RIC8B: variants seen among roughly 807,000 people sequenced by gnomAD.
RIC8B encodes RIC8 guanine nucleotide exchange factor B.
In RIC8B, 16 loss-of-function variants were observed where a neutral mutation model predicts 57.5. The ratio of observed to expected loss-of-function variants is 0.28; its 90% CI spans 0.19 to 0.42. The LOEUF (loss-of-function observed/expected upper bound fraction) is 0.42. Ranked by LOEUF, RIC8B falls within the 10% of genes least tolerant of loss-of-function variation. RIC8B has a pLI of 1.00. For missense variants in RIC8B, 481 were observed against 677.0 expected, an observed-to-expected ratio of 0.71 and a Z score of 3.21; for synonymous variants, 216 against 250.8, an observed-to-expected ratio of 0.86 and a Z score of 1.31.
chr12:106,818,683 A>G (rs1356288112), intron 3 of RIC8B, among the ~76,000 whole-genome samples: 1 of 152,138 alleles, frequency 6.6e-6, no homozygotes, highest in South Asian at 2.1e-4. Context: ...TTGTAGCCTC[A>G]AGCAGTCTTC....
At chr12:106,817,437 T>C (rs1226749376) in intron 3 of RIC8B, among the ~76,000 whole-genome samples, 1 of 152,114 alleles carries the variant, frequency 6.6e-6, no homozygotes, top group Non-Finnish European at 1.5e-5. Context: ...AATTGGGGGA[T>C]GAACATTTTG....
At chr12:106,876,403 G>A (rs1021091512) in intron 9 of RIC8B, among the ~76,000 whole-genome samples, 7 of 152,060 alleles carry the variant, frequency 4.6e-5, no homozygotes, top group Non-Finnish European at 1.0e-4. Flanking sequence ...GAACATTTAA[G>A]AGTACATACA....
At chr12:106,878,552 A>T (rs1238291324) in intron 9 of RIC8B, among the ~76,000 whole-genome samples, 1 of 152,162 alleles carries the variant, frequency 6.6e-6, no homozygotes, top group East Asian at 1.9e-4. Context: ...TTATATACTA[A>T]TTTCTCATCC....
At chr12:106,837,934 C>T (rs1345961576) in intron 4 of RIC8B, among the ~76,000 whole-genome samples, 2 of 151,792 alleles carry the variant, frequency 1.3e-5, no homozygotes, top group Non-Finnish European at 2.9e-5. Flanking sequence ...GAGCACCACA[C>T]CTGGTCGGGG....
intron 2 of RIC8B, among the ~76,000 whole-genome samples, chr12:106,812,210 CTG>C (rs528414736): frequency 1.9e-4 from 29 of 152,164 alleles, no homozygotes; most frequent in Non-Finnish European, 3.2e-4. Flanking sequence ...TGATTAAAAA[CTG>C]TGCAAAAAAA....
intron 2 of RIC8B, among the ~76,000 whole-genome samples, chr12:106,801,395 A>G (rs1455822279): frequency 6.6e-6 from 1 of 152,192 alleles, no homozygotes; most frequent in African/African-American, 2.4e-5. Flanking sequence ...TTGTTTAATA[A>G]TTGTTTCTCA....
chr12:106,808,017 G>A (rs981710434), intron 2 of RIC8B, among the ~76,000 whole-genome samples: 28 of 151,248 alleles, frequency 1.9e-4, no homozygotes, highest in Non-Finnish European at 2.7e-4. Context: ...CCTGGGAGGC[G>A]GAGGTTGCAG....
At chr12:106,883,908 T>G (rs533761038) in intron 9 of RIC8B, among the ~76,000 whole-genome samples, 16 of 152,294 alleles carry the variant, frequency 1.1e-4, no homozygotes, top group Middle Eastern at 3.4e-3. Flanking sequence ...CTCCTGCCCC[T>G]CCTTCATTGA....
chr12:106,882,469 G>A (rs936738471), intron 9 of RIC8B, among the ~76,000 whole-genome samples: 1 of 151,850 alleles, frequency 6.6e-6, no homozygotes, highest in African/African-American at 2.4e-5. Flanking sequence ...CAACTCTTTG[G>A]TCTACCTTAT....
intron 4 of RIC8B, among the ~76,000 whole-genome samples, chr12:106,830,833 G>A (rs1227040338): frequency 1.3e-5 from 2 of 152,014 alleles, no homozygotes; most frequent in Middle Eastern, 3.2e-3. Context: ...ATAAATGTTA[G>A]GAAAGCTAAA....
chr12:106,843,543 A>C (rs1261236387), intron 5 of RIC8B, among the ~76,000 whole-genome samples: 1 of 152,114 alleles, frequency 6.6e-6, no homozygotes, highest in Non-Finnish European at 1.5e-5. Flanking sequence ...TAACATGGTG[A>C]AACCCCATCT....
intron 9 of RIC8B, among the ~76,000 whole-genome samples, chr12:106,881,267 A>G (rs1374497027): frequency 6.6e-6 from 1 of 152,044 alleles, no homozygotes; most frequent in African/African-American, 2.4e-5. Flanking sequence ...TTTGTACTCA[A>G]GTCCAGACTT....
Position 106,867,909 on chromosome 12 carries a change from A to G in RIC8B, c.1452-2914A>G, listed in dbSNP as rs190287905. Among the ~76,000 whole-genome samples, 163 of 152,286 alleles carry G rather than the reference A, an allele frequency of 1.1e-3. No individual in the cohort carries two copies. The highest frequency in any genetic ancestry group is 1.6e-3 in the Non-Finnish European group (106 of 68,008). ...CCTAGACTGACTTTGGAGGGTTGGA[A>G]TGTTTTACTCTATGGCAAAAAATGA... On this transcript the variant is annotated intron_variant, in intron 8 of 9. Coordinates refer to ENST00000392837, the MANE Select transcript of RIC8B (RefSeq NM_001330145.2). This position sits in a 1 kb window ranked among gnomAD's most constrained non-coding sequence, Gnocchi z 4.3.
chr12:106,852,293 TTTC>T (rs918161853), intron 7 of RIC8B, among the ~76,000 whole-genome samples: 2 of 152,238 alleles, frequency 1.3e-5, no homozygotes, highest in African/African-American at 2.4e-5. Flanking sequence ...CTACTTATTT[TTTC>T]TTCTTCTACT....
At chr12:106,838,745 C>T (rs2046731683) in intron 4 of RIC8B, among the ~76,000 whole-genome samples, 1 of 151,714 alleles carries the variant, frequency 6.6e-6, no homozygotes, top group African/African-American at 2.4e-5. Flanking sequence ...GAAAAGGCAG[C>T]TTAAGAAATG....
rs1160875727 is a variant in RIC8B, at chr12:106,867,663, T to A, written c.1452-3160T>A. Among the ~76,000 whole-genome samples, 2 of 152,160 alleles carry A rather than the reference T, an allele frequency of 1.3e-5. No homozygotes were observed. Among genetic ancestry groups the A allele is most frequent in the Admixed American group, 1.3e-4 (2 of 15,264 alleles). On this transcript the variant is annotated intron_variant, in intron 8 of 9. Transcript: ENST00000392837. The surrounding 1 kb of genome is among the most constrained non-coding windows in gnomAD (Gnocchi z 4.3). Reference sequence around the variant, plus strand: ...GGCTATTATTTGTTTTCTCTTCCTTTCTGGGTAGGGAAACTACATGAGACT... The same window carrying A: ...GGCTATTATTTGTTTTCTCTTCCTTACTGGGTAGGGAAACTACATGAGACT...
intron 2 of RIC8B, among the ~76,000 whole-genome samples, chr12:106,803,257 A>G (rs1355553265): frequency 1.4e-5 from 2 of 146,220 alleles, no homozygotes; most frequent in Admixed American, 6.9e-5. Context: ...CTTTTCCATA[A>G]TACATGGGAG....
intron 4 of RIC8B, among the ~76,000 whole-genome samples, chr12:106,841,203 G>A (rs527473118): frequency 2.6e-5 from 4 of 152,276 alleles, no homozygotes; most frequent in Admixed American, 2.6e-4. Context: ...TGGTTTTAGT[G>A]AGGGCAATCA....
chr12:106,775,308 C>A (rs763974063), intron 1 of RIC8B: 1 of 456,038 alleles, frequency 2.2e-6, no homozygotes, highest in South Asian at 1.5e-5. Context: ...CATCTATGGT[C>A]TCCTTTGATC....
Sources: gnomAD v4.1 joint callset for allele counts (sites outside exome capture counted in the v4.1 genomes callset) on GRCh38, gnomAD v4.1.1 for gene constraint, Gnocchi (gnomAD v3.1) non-coding constraint, MANE v1.5 for transcripts, NCBI Gene and HGNC (gene_info 2026-07-23, HGNC 2026-07-21) for gene names.